ITGA11: variants seen among roughly 807,000 people sequenced by gnomAD.
ITGA11 encodes the protein integrin alpha-11.
ITGA11 carries 97 observed loss-of-function variants against 141.9 expected under a neutral mutation model. The ratio of observed to expected loss-of-function variants is 0.68; its 90% CI spans 0.58 to 0.81. The LOEUF is 0.81. ITGA11 is among the 30% of genes least tolerant of loss of function. The probability of loss-of-function intolerance (pLI) is 0.00; values close to 1 mark genes in which losing one functional copy is unlikely to be tolerated. For synonymous variants in ITGA11, 658 were observed against 624.6 expected (o/e 1.05, Z -0.80); for missense variants, 1,387 against 1,559.2 (o/e 0.89, Z 1.86).
At chr15:68,348,687 A>G (rs1263579408) in intron 10 of ITGA11, 143 bp downstream of exon 10, 2 of 687,842 alleles carry the variant, frequency 2.9e-6, no homozygotes, top group East Asian at 5.5e-5. Flanking sequence ...TGGGAGGCAG[A>G]GAGACCCCAA....
intron 1 of ITGA11, among the ~76,000 whole-genome samples, chr15:68,416,960 T>C (rs962221959): frequency 6.3e-4 from 96 of 152,302 alleles, no homozygotes; most frequent in African/African-American, 2.2e-3. Flanking sequence ...TGAAAACTAG[T>C]GTATTTTTCC....
chr15:68,320,344 T>G lies in ITGA11; in HGVS notation c.2457A>C (p.Ala819=). The change falls in exon 20 of 30, where the codon GCA becomes GCC. Residue 819 remains alanine, a synonymous_variant. Coordinates refer to ENST00000315757, the MANE Select transcript of ITGA11 (RefSeq NM_001004439.2). ...VLRKPAQDCS[A]YTLSFDTTVF... Reference sequence around the variant, plus strand: ...CTGTGGTGTCGAAGGACAGCGTGTATGCGGAGCAGTCCTGCGCAGGCTTCC... The same window carrying G: ...CTGTGGTGTCGAAGGACAGCGTGTAGGCGGAGCAGTCCTGCGCAGGCTTCC... The G allele has an allele frequency of 1.8e-5, 29 of 1,611,678 alleles. No individual in the cohort carries two copies. The highest frequency in any genetic ancestry group is 2.4e-5 in the Non-Finnish European group (28 of 1,178,870).
In ITGA11 at chr15:68,332,445, C is replaced by T; in HGVS notation, c.1459G>A (p.Val487Met). The change falls in exon 13 of 30, where the codon GTG becomes ATG. Residue 487 changes from valine (V) to methionine (M), a missense_variant. Transcript: ENST00000315757. ...GSYFGSEITS[V>M]DIDGDGVTDV... Reference sequence around the variant, plus strand: ...GTCACGCCGTCGCCGTCGATGTCCACCGAGGTGATTTCACTCCCAAAGTAA... The same window carrying T: ...GTCACGCCGTCGCCGTCGATGTCCATCGAGGTGATTTCACTCCCAAAGTAA... The T allele has an allele frequency of 6.2e-7, 1 of 1,612,256 alleles. No individual in the cohort carries two copies.
chr15:68,339,486 C>A lies in ITGA11; in HGVS notation c.1276+14G>T. The stretch of plus-strand genomic sequence containing the variant: ...CCCACGACCCGCCAGCCTCCCCTCA[C>A]TCTGCGCTCTTACCCAGGTATGCAC... On this transcript the variant is annotated intron_variant, in intron 11 of 29. Transcript: ENST00000315757. 6.2e-7 allele frequency: 1 copy of A among 1,608,638 alleles called. No individual in the cohort carries two copies. Among genetic ancestry groups the A allele is most frequent in the Non-Finnish European group, 8.5e-7 (1 of 1,177,526 alleles).
rs1016981863 is a variant in ITGA11 at position 68,407,436 on chromosome 15, G to A, written c.53-4407C>T. ...CAGTCAAGTCCATCTCTCTGACCTC[G>A]GCTCCTGACAAGATCTCTGGCCGCC... On this transcript the variant is annotated intron_variant, in intron 1 of 29. Coordinates refer to ENST00000315757, the MANE Select transcript of ITGA11 (RefSeq NM_001004439.2). Among the ~76,000 whole-genome samples the A allele has an allele frequency of 6.6e-5, 10 of 152,132 alleles. No individual in the cohort carries two copies. In the South Asian group the frequency reaches 1.4e-3, roughly 22 times the overall value.
At chr15:68,429,225 G>A (rs893180716) in intron 1 of ITGA11, among the ~76,000 whole-genome samples, 1 of 152,198 alleles carries the variant, frequency 6.6e-6, no homozygotes, top group Non-Finnish European at 1.5e-5. Flanking sequence ...ACAGAGCCAT[G>A]GAGTAACTTG....
At chr15:68,415,205 A>G (rs192399544) in intron 1 of ITGA11, among the ~76,000 whole-genome samples, 223 of 152,226 alleles carry the variant, frequency 1.5e-3, no homozygotes, top group African/African-American at 4.9e-3. Context: ...CAACTATAAT[A>G]TCACCGCCAG....
rs775498772 is a variant in ITGA11 at position 68,320,324 on chromosome 15, G to T, written c.2477C>A (p.Thr826Asn). ...TGTGCTCTCTATGATGAAGACTGTG[G>T]TGTCGAAGGACAGCGTGTATGCGGA... ...DCSAYTLSFD[T>N]TVFIIESTRQ... is the part of the protein sequence containing the mutation. The change falls in exon 20 of 30, where the codon ACC becomes AAC. Residue 826 changes from threonine (T) to asparagine (N), a missense_variant. Coordinates refer to ENST00000315757, the MANE Select transcript of ITGA11 (RefSeq NM_001004439.2). 4 of 1,613,710 alleles carry T rather than the reference G, an allele frequency of 2.5e-6. No homozygotes were observed. The East Asian group carries it at 6.7e-5, about 27-fold the overall frequency.
At chr15:68,413,528 CAGG>C (rs1218168686) in intron 1 of ITGA11, among the ~76,000 whole-genome samples, 1 of 152,184 alleles carries the variant, frequency 6.6e-6, no homozygotes, top group African/African-American at 2.4e-5. Flanking sequence ...GAAGTGAAGC[CAGG>C]AGAAGTTTGG....
chr15:68,431,657 TCCCGGGACA>T (rs1271390077), intron 1 of ITGA11, among the ~76,000 whole-genome samples: 1 of 152,170 alleles, frequency 6.6e-6, no homozygotes, highest in Non-Finnish European at 1.5e-5. Flanking sequence ...CCCTCGGCGC[TCCCGGGACA>T]CCCGAGTGCC....
Position 68,313,869 on chromosome 15 carries a change from C to A in ITGA11, c.2793-1G>T. 1 of 1,613,636 alleles carries A rather than the reference C, an allele frequency of 6.2e-7. No homozygotes were observed. Among genetic ancestry groups the A allele is most frequent in the Non-Finnish European group, 8.5e-7 (1 of 1,179,568 alleles). On this transcript the variant is annotated splice_acceptor_variant, in intron 22 of 29. Coordinates refer to ENST00000315757, the MANE Select transcript of ITGA11 (RefSeq NM_001004439.2). LOFTEE classifies it high-confidence loss of function. ...GGTGCTGTCCCGCTCATTACTGTCA[C>A]TGCAAGGAGAGCCAGGCGGCAAGGT...
At chr15:68,367,517 T>G (rs897576006) in intron 3 of ITGA11, among the ~76,000 whole-genome samples, 3 of 152,184 alleles carry the variant, frequency 2.0e-5, no homozygotes, top group Non-Finnish European at 4.4e-5. Context: ...GATCACCTTC[T>G]ATGGTAGAAA....
At position 68,301,909 on chromosome 15, in the gene ITGA11, GC is replaced by G. The variant is rs1315400566; in HGVS notation, c.*1149del. 4.6e-5 allele frequency: 7 copies of G among 152,712 alleles called. No homozygotes were observed. Among genetic ancestry groups the G allele is most frequent in the Non-Finnish European group, 8.8e-5 (6 of 68,160 alleles). 9.5% of individuals were successfully genotyped at this position (152,712 alleles called of 1,614,324 possible). A position where few individuals can be genotyped will look rare whatever the true frequency, so the allele number is the denominator to read the frequency against. On this transcript the variant is annotated 3_prime_UTR_variant, in exon 30 of 30. Transcript: ENST00000315757. The surrounding 1 kb of genome is among the most constrained non-coding windows in gnomAD (Gnocchi z 4.4). ...GTCATACCACTTGTCCTGGGGGCCG[GC>G]AGATGAGATATTTGCCACCAAGGCT...
chr15:68,313,267 G>A (rs1893455572), intron 23 of ITGA11, among the ~76,000 whole-genome samples: 1 of 151,322 alleles, frequency 6.6e-6, no homozygotes, highest in Admixed American at 6.6e-5. Context: ...ATCTGCCCAT[G>A]AGCTCTCAGA....
At chr15:68,306,571 G>A (rs922797940) in intron 28 of ITGA11, among the ~76,000 whole-genome samples, 2 of 152,154 alleles carry the variant, frequency 1.3e-5, no homozygotes, top group African/African-American at 2.4e-5. Flanking sequence ...CCCCTTTGGG[G>A]CCCAAGCCGT....
At chr15:68,421,873 G>C (rs1015603445) in intron 1 of ITGA11, among the ~76,000 whole-genome samples, 1 of 152,110 alleles carries the variant, frequency 6.6e-6, no homozygotes, top group Non-Finnish European at 1.5e-5. Context: ...AGTGGCAACC[G>C]GGACATGTTC....
At chr15:68,407,336 G>A (rs925780867) in intron 1 of ITGA11, among the ~76,000 whole-genome samples, 36 of 152,258 alleles carry the variant, frequency 2.4e-4, no homozygotes, top group African/African-American at 7.9e-4. Flanking sequence ...TGCTGGTTTC[G>A]TCTCCAGAGA....
At chr15:68,413,602 A>T (rs1451999563) in intron 1 of ITGA11, among the ~76,000 whole-genome samples, 1 of 152,194 alleles carries the variant, frequency 6.6e-6, no homozygotes, top group Non-Finnish European at 1.5e-5. Context: ...CTGGATGTCC[A>T]TTGAGAGCCC....
intron 4 of ITGA11, among the ~76,000 whole-genome samples, chr15:68,363,362 G>C (rs1457595745): frequency 1.3e-5 from 2 of 152,166 alleles, no homozygotes; most frequent in Non-Finnish European, 2.9e-5. Flanking sequence ...AAAGGGAGTA[G>C]AGACAAAGCC....
Sources: gnomAD v4.1 joint callset for allele counts (sites outside exome capture counted in the v4.1 genomes callset) on GRCh38, gnomAD v4.1.1 for gene constraint, Gnocchi (gnomAD v3.1) non-coding constraint, MANE v1.5 for transcripts, NCBI Gene and HGNC (gene_info 2026-07-23, HGNC 2026-07-21) for gene names.